MARCHF1: variants seen among roughly 807,000 people sequenced by gnomAD.
MARCHF1 encodes membrane associated ring-CH-type finger 1.
A neutral mutation model predicts 54.2 loss-of-function variants in MARCHF1; 40 were observed. The observed-to-expected ratio is 0.74, with a 90% CI of 0.57 to 0.96. The LOEUF is 0.96. MARCHF1 is among the 40% of genes least tolerant of loss of function. The pLI is 0.00. For synonymous variants in MARCHF1, 236 were observed against 236.3 expected, an observed-to-expected ratio of 1.00 and a Z score of 0.01; for missense variants, 586 against 656.5, an observed-to-expected ratio of 0.89 and a Z score of 1.17.
At chr4:163,591,893 T>G (rs1431856577) in intron 7 of MARCHF1, among the ~76,000 whole-genome samples, 1 of 152,158 alleles carries the variant, frequency 6.6e-6, no homozygotes, top group Non-Finnish European at 1.5e-5. Flanking sequence ...CAAACTGATC[T>G]GCAGTGGAAA....
chr4:164,251,335 G>C (rs994107399), intron 1 of MARCHF1, among the ~76,000 whole-genome samples: 6 of 152,034 alleles, frequency 3.9e-5, no homozygotes, highest in African/African-American at 7.2e-5. Context: ...TTTATTTCAC[G>C]AGACGGTAAG....
chr4:164,233,384 C>T (rs966843150), intron 1 of MARCHF1, among the ~76,000 whole-genome samples: 1 of 152,146 alleles, frequency 6.6e-6, no homozygotes, highest in Non-Finnish European at 1.5e-5. Flanking sequence ...TTTCTCAATG[C>T]CCTGAATCCC....
intron 5 of MARCHF1, among the ~76,000 whole-genome samples, chr4:163,656,559 G>A (rs1442883524): frequency 6.6e-6 from 1 of 151,946 alleles, no homozygotes. Flanking sequence ...ATTTTATGAG[G>A]CCAGAATCAT....
intron 8 of MARCHF1, among the ~76,000 whole-genome samples, chr4:163,558,467 G>A (rs1308243258): frequency 1.3e-5 from 2 of 152,320 alleles, no homozygotes; most frequent in African/African-American, 4.8e-5. Flanking sequence ...TCTGGCTTCA[G>A]GATGGGTCTT....
intron 1 of MARCHF1, among the ~76,000 whole-genome samples, chr4:164,147,841 A>AT (rs1729803544): frequency 7.8e-6 from 1 of 127,476 alleles, no homozygotes; most frequent in Admixed American, 8.4e-5. Flanking sequence ...AAGTCAATAA[A>AT]AAAAATAAAT....
chr4:163,561,155 C>A (rs1248057562), intron 8 of MARCHF1, among the ~76,000 whole-genome samples: 1 of 152,060 alleles, frequency 6.6e-6, no homozygotes, highest in Non-Finnish European at 1.5e-5. Flanking sequence ...ACATGTATTT[C>A]ATTTTTGATG....
rs147271128 is a variant in MARCHF1 at position 163,983,162 on chromosome 4, C to A, written c.-39+5339G>T. Among the ~76,000 whole-genome samples, 68 of 152,238 alleles carry A rather than the reference C, an allele frequency of 4.5e-4. No homozygotes were observed. The East Asian group carries it at 0.011, about 24-fold the overall frequency. ...AATATGCATTTGAAGACAAACACGG[C>A]CTTTGTGTGCCAAAGTGAAGCATGG... On this transcript the variant is annotated intron_variant, in intron 3 of 9. Transcript: ENST00000514618.
At chr4:163,600,244 A>G (rs999603570) in intron 7 of MARCHF1, among the ~76,000 whole-genome samples, 1 of 152,068 alleles carries the variant, frequency 6.6e-6, no homozygotes, top group African/African-American at 2.4e-5. Context: ...ACACACATAT[A>G]TCTTCTGGGC....
chr4:164,207,418 A>G lies in MARCHF1; in HGVS notation c.-322-95756T>C, dbSNP rs181427533. ...CAGTGAATCCAGATGGGAAGAAAACAGGCAGTATTAAACCAATCACCACAA... is the reference window on the plus strand; with the variant it reads ...CAGTGAATCCAGATGGGAAGAAAACGGGCAGTATTAAACCAATCACCACAA... On this transcript the variant is annotated intron_variant, in intron 1 of 9. Coordinates refer to ENST00000514618, the MANE Select transcript of MARCHF1 (RefSeq NM_001394959.1). 4.9e-4 allele frequency among the ~76,000 whole-genome samples: 75 copies of G among 152,382 alleles called. No homozygotes were observed. The East Asian group carries it at 0.014, about 28-fold the overall frequency.
chr4:163,597,263 C>G (rs1740807034), intron 7 of MARCHF1, among the ~76,000 whole-genome samples: 1 of 152,076 alleles, frequency 6.6e-6, no homozygotes, highest in South Asian at 2.1e-4. Context: ...TGGCCCTTTC[C>G]CAATTATTTA....
intron 5 of MARCHF1, among the ~76,000 whole-genome samples, chr4:163,674,423 C>A (rs1743840909): frequency 6.6e-6 from 1 of 152,174 alleles, no homozygotes; most frequent in Non-Finnish European, 1.5e-5. Flanking sequence ...CTGGAGCTTG[C>A]AGCCTCTTCC....
intron 3 of MARCHF1, among the ~76,000 whole-genome samples, chr4:163,906,519 T>C (rs1422487158): frequency 2.6e-5 from 4 of 151,950 alleles, no homozygotes; most frequent in African/African-American, 7.2e-5. Flanking sequence ...CAAAAAGCTG[T>C]ACATAATTAA....
intron 3 of MARCHF1, among the ~76,000 whole-genome samples, chr4:163,906,363 T>C (rs1579382508): frequency 6.6e-6 from 1 of 152,112 alleles, no homozygotes; most frequent in African/African-American, 2.4e-5. Context: ...GAGGATGCTG[T>C]AATACTGCTC....
At chr4:164,342,463 A>G (rs370530013) in intron 1 of MARCHF1, among the ~76,000 whole-genome samples, 21 of 152,022 alleles carry the variant, frequency 1.4e-4, no homozygotes, top group East Asian at 1.2e-3. Flanking sequence ...AACATGGCAC[A>G]TGTATACATA....
chr4:164,178,171 G>A (rs913407993), intron 1 of MARCHF1, among the ~76,000 whole-genome samples: 7 of 152,158 alleles, frequency 4.6e-5, no homozygotes, highest in African/African-American at 1.2e-4. Context: ...ATATAATCAA[G>A]TTACATCATC....
In MARCHF1 at chr4:163,765,458, C is replaced by A. The variant is rs145308030; in HGVS notation, c.112-64595G>T. Among the ~76,000 whole-genome samples the A allele has an allele frequency of 9.1e-3, 1,387 of 152,254 alleles. 14 individuals carry two copies. The highest frequency in any genetic ancestry group is 0.031 in the African/African-American group (1,302 of 41,572). On this transcript the variant is annotated intron_variant, in intron 4 of 9. Transcript: ENST00000514618. ...CCACCAACCAATACTCTTATCATTA[C>A]ACTAATCTGTCAATTGTAGCCATAG...
At chr4:163,952,720 A>C (rs1219621766) in intron 3 of MARCHF1, among the ~76,000 whole-genome samples, 1 of 152,192 alleles carries the variant, frequency 6.6e-6, no homozygotes, top group African/African-American at 2.4e-5. Flanking sequence ...TATGAAAGAC[A>C]CAATGCCTGC....
rs115019793 is a variant in MARCHF1, at chr4:164,294,538, G to A, written c.-323+89332C>T. Among the ~76,000 whole-genome samples, 440 of 152,010 alleles carry A rather than the reference G, an allele frequency of 2.9e-3. 3 individuals are homozygous for A. Among genetic ancestry groups the A allele is most frequent in the African/African-American group, 0.01 (424 of 41,466 alleles). On this transcript the variant is annotated intron_variant, in intron 1 of 9. Coordinates refer to ENST00000514618, the MANE Select transcript of MARCHF1 (RefSeq NM_001394959.1). ...CTGCAAAAAACAACTGCTTCCTAACGTTTTCTACATTTCTCTCTTTCACTC... is the reference window on the plus strand; with the variant it reads ...CTGCAAAAAACAACTGCTTCCTAACATTTTCTACATTTCTCTCTTTCACTC...
At chr4:163,722,366 C>G (rs1301054890) in intron 4 of MARCHF1, among the ~76,000 whole-genome samples, 1 of 152,142 alleles carries the variant, frequency 6.6e-6, no homozygotes. Flanking sequence ...ATCCTGAGTT[C>G]TAGTTTGATT....
Sources: gnomAD v4.1 joint callset for allele counts (sites outside exome capture counted in the v4.1 genomes callset) on GRCh38, gnomAD v4.1.1 for gene constraint, MANE v1.5 for transcripts, NCBI Gene and HGNC (gene_info 2026-07-23, HGNC 2026-07-21) for gene names.